The following RUNDC3B variants were observed in gnomAD, a reference collection of about 807,000 sequenced individuals.
RUNDC3B encodes the protein RUN domain containing 3B, also known as RUN domain-containing protein 3B.
Under a neutral mutation model 58.4 loss-of-function variants are expected in RUNDC3B, and 33 were observed. That is an observed-to-expected ratio of 0.56 (90% CI 0.43 to 0.75). The LOEUF is 0.75. Ranked by LOEUF, RUNDC3B falls within the 30% of genes least tolerant of loss-of-function variation. RUNDC3B has a pLI of 0.00. For synonymous variants in RUNDC3B, 193 were observed against 195.2 expected (o/e 0.99, Z 0.10); for missense variants, 501 against 535.7 (o/e 0.94, Z 0.64).
intron 2 of RUNDC3B, among the ~76,000 whole-genome samples, chr7:87,674,650 G>C (rs908052613): frequency 2.0e-5 from 3 of 152,016 alleles, no homozygotes; most frequent in Non-Finnish European, 4.4e-5. Flanking sequence ...TATTGGCAGG[G>C]GCTGGTCTGT....
intron 8 of RUNDC3B, among the ~76,000 whole-genome samples, chr7:87,787,166 C>T (rs927049476): frequency 5.3e-5 from 8 of 152,190 alleles, no homozygotes; most frequent in Middle Eastern, 3.4e-3. Flanking sequence ...ACTACTTTAT[C>T]AGAATCAGCT....
chr7:87,819,045 T>C (rs1402585147), intron 10 of RUNDC3B, among the ~76,000 whole-genome samples: 1 of 152,166 alleles, frequency 6.6e-6, no homozygotes, highest in African/African-American at 2.4e-5. Context: ...CAGCGACAGA[T>C]GCATAAAGTA....
At chr7:87,657,350 A>G (rs1481995820) in intron 2 of RUNDC3B, among the ~76,000 whole-genome samples, 5 of 152,204 alleles carry the variant, frequency 3.3e-5, no homozygotes, top group Admixed American at 2.6e-4. Context: ...CCAGAGAAAG[A>G]ACAGCCTAGC....
intron 2 of RUNDC3B, among the ~76,000 whole-genome samples, chr7:87,684,323 A>G (rs185459428): frequency 6.6e-6 from 1 of 152,298 alleles, no homozygotes; most frequent in East Asian, 1.9e-4. Flanking sequence ...GTAGATATAA[A>G]ACTTACTCTA....
At position 87,758,132 on chromosome 7, in the gene RUNDC3B, A is replaced by G. The variant is rs1833474325; in HGVS notation, c.630-12449A>G. Among the ~76,000 whole-genome samples, 2 of 152,164 alleles carry G rather than the reference A, an allele frequency of 1.3e-5. 1 individual carries two copies. The highest frequency in any genetic ancestry group is 4.1e-4 in the South Asian group (2 of 4,830). Reference sequence around the variant, plus strand: ...TCAGGAGTTTGAGACCAGCCTAGGCAACACAGTGAGATGCTGTCTGTACAA... The same window carrying G: ...TCAGGAGTTTGAGACCAGCCTAGGCGACACAGTGAGATGCTGTCTGTACAA... On this transcript the variant is annotated intron_variant, in intron 6 of 10. Transcript: ENST00000394654.
At chr7:87,698,260 C>T (rs1396938536) in intron 2 of RUNDC3B, among the ~76,000 whole-genome samples, 3 of 152,006 alleles carry the variant, frequency 2.0e-5, no homozygotes, top group Non-Finnish European at 4.4e-5. Flanking sequence ...CCACCATGCC[C>T]GGCTAATTTC....
At chr7:87,731,477 T>C (rs546149854) in intron 4 of RUNDC3B, among the ~76,000 whole-genome samples, 42 of 151,660 alleles carry the variant, frequency 2.8e-4, no homozygotes, top group African/African-American at 1.0e-3. Context: ...AGAGGAGAAA[T>C]GGATGAAGAA....
chr7:87,675,864 A>G (rs984025303), intron 2 of RUNDC3B, among the ~76,000 whole-genome samples: 7 of 152,114 alleles, frequency 4.6e-5, no homozygotes, highest in African/African-American at 1.7e-4. Flanking sequence ...ATATTTTTGG[A>G]CTTAACACCC....
At chr7:87,787,173 A>T (rs916554331) in intron 8 of RUNDC3B, among the ~76,000 whole-genome samples, 3 of 152,190 alleles carry the variant, frequency 2.0e-5, no homozygotes, top group Non-Finnish European at 2.9e-5. Context: ...TATCAGAATC[A>T]GCTTTAAGAA....
chr7:87,796,472 G>A (rs962747925), intron 8 of RUNDC3B, among the ~76,000 whole-genome samples: 1 of 152,000 alleles, frequency 6.6e-6, no homozygotes, highest in East Asian at 1.9e-4. Context: ...CGGATTGCTG[G>A]TAACATAAAG....
chr7:87,764,214 G>A lies in RUNDC3B; in HGVS notation c.630-6367G>A, dbSNP rs1707319394. On this transcript the variant is annotated intron_variant, in intron 6 of 10. Coordinates refer to ENST00000394654, the MANE Select transcript of RUNDC3B (RefSeq NM_001134405.2). ...CTGATATTTTTTGAAGGACTTCATA[G>A]TATCTGTGGTAAGACATGTGTAAGA... Among the ~76,000 whole-genome samples, 7 of 151,890 alleles carry A rather than the reference G, an allele frequency of 4.6e-5. No individual in the cohort carries two copies. In the South Asian group the frequency reaches 1.4e-3, roughly 31 times the overall value.
At chr7:87,704,807 T>C (rs1344388051) in intron 3 of RUNDC3B, among the ~76,000 whole-genome samples, 1 of 152,188 alleles carries the variant, frequency 6.6e-6, no homozygotes, top group Non-Finnish European at 1.5e-5. Context: ...TCTTTATTCA[T>C]TGCAATGAAA....
In RUNDC3B at chr7:87,741,529, C is replaced by A. The variant is rs1214135461; in HGVS notation, c.579C>A (p.Gly193=). 2.5e-6 allele frequency: 4 copies of A among 1,585,686 alleles called. No homozygotes were observed. Among genetic ancestry groups the A allele is most frequent in the Admixed American group, 1.7e-5 (1 of 59,104 alleles). ...SFCLKGEGLD[G]SFPAVIDYTP... ...GCCTAAAGGGAGAGGGGCTGGATGG[C>A]AGTTTTCCTGCTGTAATAGACTATA... Residue 193 remains glycine, a synonymous_variant, in exon 6 of 11, where the codon GGC becomes GGA. Transcript: ENST00000394654.
chr7:87,774,715 T>C (rs1834523481), intron 7 of RUNDC3B, among the ~76,000 whole-genome samples: 1 of 152,202 alleles, frequency 6.6e-6, no homozygotes, highest in Non-Finnish European at 1.5e-5. Context: ...AAAAAACTAT[T>C]ATGTATTGTT....
chr7:87,775,425 A>G (rs1231498945), intron 7 of RUNDC3B, among the ~76,000 whole-genome samples: 1 of 152,258 alleles, frequency 6.6e-6, no homozygotes, highest in African/African-American at 2.4e-5. Flanking sequence ...AAAGAGTCAA[A>G]AAGATTTTTA....
chr7:87,644,905 T>G (rs1458997860), intron 1 of RUNDC3B, among the ~76,000 whole-genome samples: 1 of 151,980 alleles, frequency 6.6e-6, no homozygotes, highest in Non-Finnish European at 1.5e-5. Flanking sequence ...TATTTTTAAT[T>G]ATAATTATGT....
chr7:87,638,394 C>G, intron 1 of RUNDC3B, among the ~76,000 whole-genome samples: 1 of 146,310 alleles, frequency 6.8e-6, no homozygotes, highest in African/African-American at 2.6e-5. Context: ...CTCCCCTGTT[C>G]TGTAGAAAAG....
intron 9 of RUNDC3B, among the ~76,000 whole-genome samples, chr7:87,815,534 T>C (rs1419929384): frequency 2.6e-5 from 4 of 152,086 alleles, no homozygotes; most frequent in Non-Finnish European, 5.9e-5. Flanking sequence ...ATAATTAACT[T>C]TTTATTAGCT....
In RUNDC3B at chr7:87,830,711, T is replaced by C. The variant is rs1284967703; in HGVS notation, c.*681T>C. 1 of 151,782 alleles carries C rather than the reference T, an allele frequency of 6.6e-6. No homozygotes were observed. The highest frequency in any genetic ancestry group is 1.5e-5 in the Non-Finnish European group (1 of 67,840). 9.4% of individuals were successfully genotyped at this position (151,782 alleles called of 1,614,324 possible). A position where few individuals can be genotyped will look rare whatever the true frequency, so the allele number is the denominator to read the frequency against. On this transcript the variant is annotated 3_prime_UTR_variant, in exon 11 of 11. Transcript: ENST00000394654. The stretch of plus-strand genomic sequence containing the variant: ...ATATTTTACAGTATTTTATGCCATT[T>C]AGGCAAAATGAATAAACTGTTTTCC...
Sources: gnomAD v4.1 joint callset for allele counts (sites outside exome capture counted in the v4.1 genomes callset) on GRCh38, gnomAD v4.1.1 for gene constraint, MANE v1.5 for transcripts, NCBI Gene and HGNC (gene_info 2026-07-23, HGNC 2026-07-21) for gene names.